The following ITCH variants were observed in gnomAD, a reference collection of about 807,000 sequenced individuals.
ITCH encodes the protein E3 ubiquitin-protein ligase Itchy homolog.
ITCH carries 28 observed loss-of-function variants against 126.8 expected under a neutral mutation model. That is an observed-to-expected ratio of 0.22 (90% CI 0.16 to 0.30). ITCH has a LOEUF of 0.30. Among genes scored for constraint, ITCH ranks in the 10% least tolerant of loss-of-function variants. ITCH has a pLI of 1.00. For synonymous variants in ITCH, 342 were observed against 340.0 expected (o/e 1.01, Z -0.06); for missense variants, 631 against 1,032.4 (o/e 0.61, Z 5.33).
At chr20:34,458,993 A>G (rs574567878) in intron 13 of ITCH, among the ~76,000 whole-genome samples, 1 of 152,248 alleles carries the variant, frequency 6.6e-6, no homozygotes, top group African/African-American at 2.4e-5. Context: ...TCTGCAAGGA[A>G]TTTGGCAGAC....
chr20:34,379,868 A>G (rs2037987599), intron 2 of ITCH, among the ~76,000 whole-genome samples: 1 of 143,870 alleles, frequency 7.0e-6, no homozygotes, highest in South Asian at 2.2e-4. Flanking sequence ...AAGTGCTGGG[A>G]TTACAGGCGT....
At chr20:34,483,016 C>T (rs2146480759) in intron 20 of ITCH, among the ~76,000 whole-genome samples, 1 of 152,344 alleles carries the variant, frequency 6.6e-6, no homozygotes, top group East Asian at 1.9e-4. Flanking sequence ...GAAGCAACAA[C>T]CCGGGCTGTA....
intron 7 of ITCH, among the ~76,000 whole-genome samples, chr20:34,433,343 A>G (rs756171241): frequency 5.9e-5 from 9 of 152,350 alleles, no homozygotes; most frequent in South Asian, 2.1e-4. Context: ...AAATATTTGC[A>G]TGTTTTGACT....
At chr20:34,412,132 A>G (rs1350037981) in intron 4 of ITCH, among the ~76,000 whole-genome samples, 4 of 152,232 alleles carry the variant, frequency 2.6e-5, no homozygotes, top group African/African-American at 9.6e-5. Flanking sequence ...CCCATCTCAT[A>G]GGGTTACTAT....
At chr20:34,480,421 C>T (rs534537669) in intron 18 of ITCH, among the ~76,000 whole-genome samples, 178 bp from the exon 19 acceptor site, 1 of 150,596 alleles carries the variant, frequency 6.6e-6, no homozygotes, top group East Asian at 2.0e-4. Flanking sequence ...AGTCTGGTCT[C>T]GAACTCCTGA....
intron 17 of ITCH, among the ~76,000 whole-genome samples, chr20:34,478,968 AT>A (rs1422610911): frequency 6.6e-6 from 1 of 152,216 alleles, no homozygotes; most frequent in East Asian, 1.9e-4. Context: ...TTACAGGCTT[AT>A]GCCACATGTA....
At chr20:34,434,713 C>T (rs1215748242) in intron 7 of ITCH, among the ~76,000 whole-genome samples, 1 of 152,064 alleles carries the variant, frequency 6.6e-6, no homozygotes, top group African/African-American at 2.4e-5. Flanking sequence ...GGGATAGCTA[C>T]AGATTGGTAT....
intron 20 of ITCH, among the ~76,000 whole-genome samples, chr20:34,486,613 A>C (rs1000636646): frequency 6.6e-6 from 1 of 152,034 alleles, no homozygotes; most frequent in Non-Finnish European, 1.5e-5. Flanking sequence ...GGCATGAGCC[A>C]CCACGCCCAG....
At chr20:34,391,390 A>G (rs2038486600) in intron 2 of ITCH, among the ~76,000 whole-genome samples, 2 of 152,174 alleles carry the variant, frequency 1.3e-5, no homozygotes, top group South Asian at 2.1e-4. Context: ...CATACTGTAC[A>G]TACTGATGGG....
chr20:34,503,002 ACT>A (rs773024785), intron 23 of ITCH, among the ~76,000 whole-genome samples: 5 of 152,114 alleles, frequency 3.3e-5, no homozygotes, highest in Non-Finnish European at 7.4e-5. Context: ...ACAGAGTGAG[ACT>A]CTGTCTCAAA....
At chr20:34,370,871 TAGATA>T (rs1235617540) in intron 2 of ITCH, among the ~76,000 whole-genome samples, 1 of 151,834 alleles carries the variant, frequency 6.6e-6, no homozygotes, top group Non-Finnish European at 1.5e-5. Flanking sequence ...GGTGAATTGT[TAGATA>T]AGAAAGCTGA....
At chr20:34,485,667 C>A (rs1445739963) in intron 20 of ITCH, among the ~76,000 whole-genome samples, 1 of 151,888 alleles carries the variant, frequency 6.6e-6, no homozygotes, top group African/African-American at 2.4e-5. Context: ...CTCTTCTTAC[C>A]TTTTCTTACG....
intron 7 of ITCH, among the ~76,000 whole-genome samples, chr20:34,430,802 A>T (rs1452529537): frequency 6.6e-6 from 1 of 152,192 alleles, no homozygotes; most frequent in African/African-American, 2.4e-5. Context: ...AGGAGATTGT[A>T]TGATCAGAAC....
In ITCH at chr20:34,442,230, C is replaced by T. The variant is rs1983848745; in HGVS notation, c.892C>T (p.His298Tyr). 3 of 1,613,750 alleles carry T rather than the reference C, an allele frequency of 1.9e-6. No homozygotes were observed. The highest frequency in any genetic ancestry group is 1.7e-6 in the Non-Finnish European group (2 of 1,179,812). Residue 298 changes from histidine (H) to tyrosine (Y), a missense_variant, in exon 10 of 25, where the codon CAC becomes TAC. By Grantham distance (83) the His-to-Tyr change is moderately conservative (BLOSUM62 2). Transcript: ENST00000374864. ...AAGTTGGGAGCAGAGAGTGGACCAG[C>T]ACGGGCGAGTTTACTATGTAGATCA... Reference protein sequence around the residue: ...PPGWEQRVDQHGRVYYVDHVE... With the variant: ...PPGWEQRVDQYGRVYYVDHVE...
chr20:34,428,566 C>CT (rs995860782), intron 7 of ITCH, among the ~76,000 whole-genome samples: 4 of 151,464 alleles, frequency 2.6e-5, no homozygotes, highest in Admixed American at 6.6e-5. Flanking sequence ...GATGTGCGTT[C>CT]TTTTTTTTTG....
At chr20:34,383,836 CTTTTTTT>C (rs745864966) in intron 2 of ITCH, among the ~76,000 whole-genome samples, 9 of 68,658 alleles carry the variant, frequency 1.3e-4, no homozygotes, top group Non-Finnish European at 2.0e-4. Flanking sequence ...GTCTGTAATT[CTTTTTTT>C]TTTTTTTTTT....
chr20:34,421,777 G>T (rs750780275), intron 6 of ITCH, among the ~76,000 whole-genome samples: 1 of 152,188 alleles, frequency 6.6e-6, no homozygotes, highest in African/African-American at 2.4e-5. Context: ...GGAAGCCAAG[G>T]CGGGAGGATC....
chr20:34,385,116 G>A (rs1350455482), intron 2 of ITCH, among the ~76,000 whole-genome samples: 1 of 150,886 alleles, frequency 6.6e-6, no homozygotes, highest in Non-Finnish European at 1.5e-5. Flanking sequence ...TGAGATTCAA[G>A]CCATTCTCCT....
At chr20:34,393,752 A>C in intron 2 of ITCH, 39 bp from the exon 3 acceptor site, 1 of 1,196,236 alleles carries the variant, frequency 8.4e-7, no homozygotes, top group Non-Finnish European at 1.3e-6. Flanking sequence ...TTTTAATGGG[A>C]ATTTTTGATG....
Sources: allele counts gnomAD v4.1 joint callset (sites outside exome capture counted in the v4.1 genomes callset), GRCh38; gene constraint gnomAD v4.1.1; transcripts MANE v1.5; gene names NCBI Gene and HGNC (gene_info 2026-07-23, HGNC 2026-07-21).